The following TUBB4A variants were observed in gnomAD, a reference collection of about 807,000 sequenced individuals.
The protein encoded by TUBB4A is tubulin beta 4A class IVa.
Under a neutral mutation model 35.1 loss-of-function variants are expected in TUBB4A, and 13 were observed. The observed-to-expected ratio is 0.37, with a 90% CI of 0.24 to 0.59. The LOEUF (loss-of-function observed/expected upper bound fraction) is 0.59, where lower values mean the gene tolerates loss of function less well. Ranked by LOEUF, TUBB4A falls within the 20% of genes least tolerant of loss-of-function variation. TUBB4A has a pLI of 0.71. For missense variants in TUBB4A, 299 were observed against 647.2 expected (o/e 0.46, Z 5.84); for synonymous variants, 279 against 272.4 (o/e 1.02, Z -0.24).
chr19:6,501,005 T>G lies in TUBB4A; in HGVS notation c.277+282A>C, dbSNP rs1914503265. 2.4e-6 allele frequency: 1 copy of G among 419,602 alleles called. No homozygotes were observed. Among genetic ancestry groups the G allele is most frequent in the Non-Finnish European group, 4.3e-6 (1 of 232,646 alleles). The allele number at this position is 419,602 out of a possible 1,614,324, so 26.0% of individuals were successfully genotyped here. ...TTGTTGAATGCATGAAGTGGCAGAA[T>G]TGGGATGTGCACCCAGGCAGTCTGG... On this transcript the variant is annotated intron_variant, in intron 3 of 3. Transcript: ENST00000264071. The surrounding 1 kb of genome is among the most constrained non-coding windows in gnomAD (Gnocchi z 4.2).
chr19:6,495,049 T>G lies in TUBB4A; in HGVS notation c.*115A>C. ...GCGAGCTCCAAAGGTATTGTTAGGGTCAGCGGGGAGTCAGCCTTGGAGGGA... is the reference window on the plus strand; with the variant it reads ...GCGAGCTCCAAAGGTATTGTTAGGGGCAGCGGGGAGTCAGCCTTGGAGGGA... On this transcript the variant is annotated 3_prime_UTR_variant, in exon 4 of 4. Coordinates refer to ENST00000264071, the MANE Select transcript of TUBB4A (RefSeq NM_006087.4). This position sits in a 1 kb window ranked among gnomAD's most constrained non-coding sequence, Gnocchi z 8.7. 7.9e-7 allele frequency: 1 copy of G among 1,272,528 alleles called. No individual in the cohort carries two copies. Among genetic ancestry groups the G allele is most frequent in the Non-Finnish European group, 1.1e-6 (1 of 914,888 alleles). 78.8% of individuals were successfully genotyped at this position (1,272,528 alleles called of 1,614,324 possible). A position where few individuals can be genotyped will look rare whatever the true frequency, so the allele number is the denominator to read the frequency against.
intron 3 of TUBB4A, among the ~76,000 whole-genome samples, chr19:6,499,782 G>A (rs1914444293): frequency 6.6e-6 from 1 of 151,666 alleles, no homozygotes; most frequent in African/African-American, 2.4e-5. Flanking sequence ...ACATATTCAT[G>A]ACTTTAAGCT....
Position 6,495,370 on chromosome 19 carries a change from G to A in TUBB4A, c.1129C>T (p.Leu377=), listed in dbSNP as rs1206898942. 2 of 1,613,856 alleles carry A rather than the reference G, an allele frequency of 1.2e-6. No homozygotes were observed. Among genetic ancestry groups the A allele is most frequent in the Middle Eastern group, 1.7e-4 (1 of 5,800 alleles). The change falls in exon 4 of 4, where the codon CTG becomes TTG. Residue 377 remains leucine (L), a synonymous_variant. Coordinates refer to ENST00000264071, the MANE Select transcript of TUBB4A (RefSeq NM_006087.4). The surrounding 1 kb of genome is among the most constrained non-coding windows in gnomAD (Gnocchi z 8.7). The stretch of plus-strand genomic sequence containing the variant: ...AACTGCTCGGAGATGCGCTTGAACA[G>A]CTCCTGGATGGCCGTGCTGTTGCCG... The part of the protein sequence containing the change: ...FIGNSTAIQE[L]FKRISEQFTA...
In TUBB4A at chr19:6,495,090, G is replaced by A. The variant is rs1914061162; in HGVS notation, c.*74C>T. On this transcript the variant is annotated 3_prime_UTR_variant, in exon 4 of 4. Transcript: ENST00000264071. The surrounding 1 kb of genome is among the most constrained non-coding windows in gnomAD (Gnocchi z 8.7). Reference sequence around the variant, plus strand: ...CTTGGAGGGAAAGCGGGGCTCTAGGGTTCAGAGATGGGGGGCCTAGCGGAT... The same window carrying A: ...CTTGGAGGGAAAGCGGGGCTCTAGGATTCAGAGATGGGGGGCCTAGCGGAT... The A allele has an allele frequency of 1.1e-5, 17 of 1,559,580 alleles. No individual in the cohort carries two copies. The South Asian group carries it at 2.0e-4, about 18-fold the overall frequency.
At chr19:6,496,301 G>GGTGTGA in intron 3 of TUBB4A, 80 bp from the exon 4 acceptor site, 1 of 1,349,226 alleles carries the variant, frequency 7.4e-7, no homozygotes, top group Non-Finnish European at 1.0e-6. Flanking sequence ...CCACCTGGAG[G>GGTGTGA]GCCTCTAGTA....
At chr19:6,499,798 AT>A (rs555937850) in intron 3 of TUBB4A, among the ~76,000 whole-genome samples, 1,873 of 143,300 alleles carry the variant, frequency 0.013, 23 homozygotes, top group African/African-American at 0.035. Flanking sequence ...AAGCTTCACA[AT>A]TTTTTTTTTT....
chr19:6,499,587 C>T (rs1914435379), intron 3 of TUBB4A, among the ~76,000 whole-genome samples: 1 of 152,180 alleles, frequency 6.6e-6, no homozygotes, highest in African/African-American at 2.4e-5. Context: ...AAGGATTGTC[C>T]CAGGGTGTGG....
At chr19:6,502,681 C>A (rs1914598576), upstream of TUBB4A, 1 of 157,066 alleles carries the variant, frequency 6.4e-6, no homozygotes, top group African/African-American at 2.4e-5. Flanking sequence ...GGCCTTGCCT[C>A]AGTTTCTCGG....
intron 3 of TUBB4A, among the ~76,000 whole-genome samples, chr19:6,497,041 AT>A (rs1914273703): frequency 1.7e-5 from 1 of 59,536 alleles, no homozygotes; most frequent in Non-Finnish European, 3.1e-5. Flanking sequence ...ATATATATAT[AT>A]ATATATATAT....
chr19:6,502,442 A>C, upstream of TUBB4A: 2 of 496,232 alleles, frequency 4.0e-6, no homozygotes, highest in Non-Finnish European at 6.9e-6. Context: ...TGGTGCAGGG[A>C]CCTCCCTCCC....
chr19:6,495,882 G>C lies in TUBB4A; in HGVS notation c.617C>G (p.Ala206Gly). 2 of 1,614,232 alleles carry C rather than the reference G, an allele frequency of 1.2e-6. No homozygotes were observed. Among genetic ancestry groups the C allele is most frequent in the Non-Finnish European group, 1.7e-6 (2 of 1,180,044 alleles). Residue 206 changes from alanine to glycine, a missense_variant, in exon 4 of 4, where the codon GCA (alanine) becomes GGA (glycine). By Grantham distance (60) the Ala-to-Gly change is moderately conservative (BLOSUM62 0). This residue lies in a region of TUBB4A where 51 missense variants were observed against 100.3 expected (regional missense o/e 0.51). Coordinates refer to ENST00000264071, the MANE Select transcript of TUBB4A (RefSeq NM_006087.4). This position sits in a 1 kb window ranked among gnomAD's most constrained non-coding sequence, Gnocchi z 8.7. ...GGTGCGGAAACAGATGTCGTAGAGT[G>C]CCTCGTTGTCGATGCAGTAGGTCTC... ...TDETYCIDNE[A>G]LYDICFRTLK...
rs145794132 is a variant in TUBB4A at position 6,495,747 on chromosome 19, C to T, written c.752G>A (p.Arg251His). The change falls in exon 4 of 4, where the codon CGC becomes CAC. Residue 251 changes from arginine to histidine, a missense_variant. Physicochemically the swap from Arg to His is conservative, Grantham distance 29. Coordinates refer to ENST00000264071, the MANE Select transcript of TUBB4A (RefSeq NM_006087.4). This position sits in a 1 kb window ranked among gnomAD's most constrained non-coding sequence, Gnocchi z 8.7. ...GGGAACCATGTTGACGGCCAGCTTG[C>T]GCAGGTCGGCGTTCAGCTGGCCCGG... ...RFPGQLNADL[R>H]KLAVNMVPFP... 3 of 1,614,010 alleles carry T rather than the reference C, an allele frequency of 1.9e-6. No homozygotes were observed. The highest frequency in any genetic ancestry group is 2.5e-6 in the Non-Finnish European group (3 of 1,180,008).
rs1392597213 is a variant in TUBB4A, at chr19:6,495,221, C to T, written c.1278G>A (p.Gln426=). Reference sequence around the variant, plus strand: ...ACTCGCCCTCCTCGGCCGTGGCGTCCTGGTACTGCTGGTACTCAGATACCA... The same window carrying T: ...ACTCGCCCTCCTCGGCCGTGGCGTCTTGGTACTGCTGGTACTCAGATACCA... The part of the protein sequence containing the change: ...NDLVSEYQQY[Q]DATAEEGEFE... The change falls in exon 4 of 4, where the codon CAG becomes CAA. Residue 426 remains glutamine (Q), a synonymous_variant. Transcript: ENST00000264071. This position sits in a 1 kb window ranked among gnomAD's most constrained non-coding sequence, Gnocchi z 8.7. The T allele has an allele frequency of 6.2e-7, 1 of 1,613,878 alleles. No individual in the cohort carries two copies. Among genetic ancestry groups the T allele is most frequent in the Non-Finnish European group, 8.5e-7 (1 of 1,179,870 alleles).
chr19:6,501,191 CT>C lies in TUBB4A; in HGVS notation c.277+95del. On this transcript the variant is annotated intron_variant, in intron 3 of 3. Coordinates refer to ENST00000264071, the MANE Select transcript of TUBB4A (RefSeq NM_006087.4). The surrounding 1 kb of genome is among the most constrained non-coding windows in gnomAD (Gnocchi z 4.2). ...GTGCCTGGTGCCCTGTCCACCCCAT[CT>C]CTGGTCTGTGGGCCCCGGTGGTGGC... 9.7e-7 allele frequency: 1 copy of C among 1,035,004 alleles called. No homozygotes were observed. Among genetic ancestry groups the C allele is most frequent in the Non-Finnish European group, 1.4e-6 (1 of 701,534 alleles). 64.1% of individuals were successfully genotyped at this position (1,035,004 alleles called of 1,614,324 possible).
At position 6,495,923 on chromosome 19, in the gene TUBB4A, C is replaced by A; in HGVS notation, c.576G>T (p.Leu192=). 6.2e-7 allele frequency: 1 copy of A among 1,614,222 alleles called. No homozygotes were observed. Among genetic ancestry groups the A allele is most frequent in the Non-Finnish European group, 8.5e-7 (1 of 1,180,050 alleles). Residue 192 remains leucine (L), a synonymous_variant, in exon 4 of 4, where the codon CTG becomes CTT. Coordinates refer to ENST00000264071, the MANE Select transcript of TUBB4A (RefSeq NM_006087.4). The surrounding 1 kb of genome is among the most constrained non-coding windows in gnomAD (Gnocchi z 8.7). ...PYNATLSVHQ[L]VENTDETYCI... is the part of the protein sequence containing the mutation. ...AGTAGGTCTCATCCGTATTCTCCAC[C>A]AGCTGGTGCACAGACAGCGTGGCGT...
In TUBB4A at chr19:6,501,169, C is replaced by A; in HGVS notation, c.277+118G>T. 2.6e-6 allele frequency: 2 copies of A among 762,646 alleles called. No homozygotes were observed. Among genetic ancestry groups the A allele is most frequent in the Non-Finnish European group, 4.2e-6 (2 of 470,952 alleles). The allele number at this position is 762,646 out of a possible 1,614,324, so 47.2% of individuals were successfully genotyped here. On this transcript the variant is annotated intron_variant, in intron 3 of 3. Coordinates refer to ENST00000264071, the MANE Select transcript of TUBB4A (RefSeq NM_006087.4). This position sits in a 1 kb window ranked among gnomAD's most constrained non-coding sequence, Gnocchi z 4.2. ...CACAGCCCTGGATGCAGGGCTGGTGCCTGGTGCCCTGTCCACCCCATCTCT... is the reference window on the plus strand; with the variant it reads ...CACAGCCCTGGATGCAGGGCTGGTGACTGGTGCCCTGTCCACCCCATCTCT...
Position 6,496,233 on chromosome 19 carries a change from A to G in TUBB4A, c.278-12T>C. On this transcript the variant is annotated splice_polypyrimidine_tract_variant and intron_variant, in intron 3 of 3. Transcript: ENST00000264071. ...GGCTCCGGATTGGCCTAGAGAGGGA[A>G]GGGGAGGGGACACACATGCAGTTAT... The G allele has an allele frequency of 6.3e-7, 1 of 1,597,550 alleles. No homozygotes were observed. Among genetic ancestry groups the G allele is most frequent in the Non-Finnish European group, 8.5e-7 (1 of 1,169,712 alleles).
At position 6,501,376 on chromosome 19, in the gene TUBB4A, G is replaced by A. The variant is rs1568412600; in HGVS notation, c.188C>T (p.Ala63Val). ...EATGGNYVPR[A>V]VLVDLEPGTM... ...GCCGGGTTCCAGGTCCACCAGCACC[G>A]CTCTGGGGACATAATTTCCTCCTGC... Residue 63 changes from alanine to valine, a missense_variant, in exon 3 of 4, where the codon GCG becomes GTG. Ala to Val is a moderately conservative substitution (Grantham distance 64). Around this residue, in one of 5 missense-constraint regions of TUBB4A, gnomAD observed 123 missense variants for 226.0 expected, o/e 0.54. Transcript: ENST00000264071. This position sits in a 1 kb window ranked among gnomAD's most constrained non-coding sequence, Gnocchi z 4.2. 2 of 1,613,820 alleles carry A rather than the reference G, an allele frequency of 1.2e-6. No homozygotes were observed. Among genetic ancestry groups the A allele is most frequent in the East Asian group, 2.2e-5 (1 of 44,884 alleles).
In TUBB4A at chr19:6,501,700, C is replaced by G; in HGVS notation, c.58-77G>C. The G allele has an allele frequency of 8.6e-7, 1 of 1,167,256 alleles. No homozygotes were observed. Among genetic ancestry groups the G allele is most frequent in the Non-Finnish European group, 1.3e-6 (1 of 797,872 alleles). The allele number at this position is 1,167,256 out of a possible 1,614,324, so 72.3% of individuals were successfully genotyped here. ...GCCGAGGACTGCCCCCAGCCCCCAACTAGCTCCCTAGCTGCCACCTCTCCC... is the reference window on the plus strand; with the variant it reads ...GCCGAGGACTGCCCCCAGCCCCCAAGTAGCTCCCTAGCTGCCACCTCTCCC... On this transcript the variant is annotated intron_variant, in intron 1 of 3. Coordinates refer to ENST00000264071, the MANE Select transcript of TUBB4A (RefSeq NM_006087.4). The surrounding 1 kb of genome is among the most constrained non-coding windows in gnomAD (Gnocchi z 4.2).
Sources: allele counts gnomAD v4.1 joint callset (sites outside exome capture counted in the v4.1 genomes callset), GRCh38; gene constraint gnomAD v4.1.1; regional missense constraint gnomAD v4.1.1; non-coding constraint Gnocchi (gnomAD v3.1); transcripts MANE v1.5; gene names NCBI Gene and HGNC (gene_info 2026-07-23, HGNC 2026-07-21).